Variants in TCF12 observed in about 807,000 individuals in gnomAD.
The protein encoded by TCF12 is DNA-binding protein HTF4.
TCF12 carries 45 observed loss-of-function variants against 86.0 expected under a neutral mutation model. The observed-to-expected ratio is 0.52, with a 90% CI of 0.41 to 0.67. The LOEUF (loss-of-function observed/expected upper bound fraction) is 0.67. Ranked by LOEUF, TCF12 falls within the 30% of genes least tolerant of loss-of-function variation. TCF12 has a pLI of 0.00. For missense variants in TCF12, 881 were observed against 859.9 expected, an observed-to-expected ratio of 1.02 and a Z score of -0.31; for synonymous variants, 330 against 299.6, an observed-to-expected ratio of 1.10 and a Z score of -1.05.
At chr15:57,231,671 G>C (rs1367223261) in intron 9 of TCF12, among the ~76,000 whole-genome samples, 1 of 152,086 alleles carries the variant, frequency 6.6e-6, no homozygotes, top group Non-Finnish European at 1.5e-5. Flanking sequence ...GAGAAAAAGT[G>C]TTGCATTTCC....
At chr15:57,043,227 A>G (rs538942621) in intron 3 of TCF12, among the ~76,000 whole-genome samples, 1 of 152,294 alleles carries the variant, frequency 6.6e-6, no homozygotes, top group South Asian at 2.1e-4. Context: ...CATTTTGGCT[A>G]TTCATATTTC....
At chr15:57,247,216 A>G in intron 13 of TCF12, 2 of 621,090 alleles carry the variant, frequency 3.2e-6, no homozygotes, top group Non-Finnish European at 5.9e-6. Flanking sequence ...TGTAACCAGG[A>G]CTACCACCAT....
intron 3 of TCF12, among the ~76,000 whole-genome samples, chr15:57,037,684 C>T (rs534600473): frequency 6.6e-6 from 1 of 152,268 alleles, no homozygotes; most frequent in Admixed American, 6.5e-5. Context: ...AGTACCCTTG[C>T]TTTTTAATGG....
At chr15:57,064,220 G>A (rs2068675865) in intron 4 of TCF12, among the ~76,000 whole-genome samples, 1 of 152,062 alleles carries the variant, frequency 6.6e-6, no homozygotes, top group Non-Finnish European at 1.5e-5. Context: ...TCAGCCCTTT[G>A]CATCAGGAAC....
chr15:56,939,769 C>G (rs1235738808), intron 3 of TCF12, among the ~76,000 whole-genome samples: 2 of 152,084 alleles, frequency 1.3e-5, no homozygotes, highest in Non-Finnish European at 2.9e-5. Context: ...CCGAAACTTA[C>G]GTTGATTAGC....
chr15:56,999,461 T>C (rs1368094851), intron 3 of TCF12, among the ~76,000 whole-genome samples: 1 of 152,138 alleles, frequency 6.6e-6, no homozygotes, highest in East Asian at 1.9e-4. Flanking sequence ...TAAGTGATAC[T>C]AAAAAACTCT....
At chr15:57,196,325 T>C (rs1056837058) in intron 7 of TCF12, among the ~76,000 whole-genome samples, 1 of 152,170 alleles carries the variant, frequency 6.6e-6, no homozygotes, top group Admixed American at 6.5e-5. Flanking sequence ...ATTTAAAGTA[T>C]GTAAGAGGAT....
At chr15:57,073,506 C>T (rs935040905) in intron 4 of TCF12, among the ~76,000 whole-genome samples, 7 of 152,176 alleles carry the variant, frequency 4.6e-5, no homozygotes, top group Non-Finnish European at 8.8e-5. Context: ...CTGCTTTGAT[C>T]TTCACACGAG....
intron 3 of TCF12, among the ~76,000 whole-genome samples, chr15:56,924,920 C>T (rs1422915201): frequency 2.0e-5 from 3 of 152,112 alleles, no homozygotes; most frequent in South Asian, 2.1e-4. Context: ...AAAACAAGGT[C>T]GGGTGTGGTG....
chr15:56,982,200 T>C (rs1478702277), intron 3 of TCF12, among the ~76,000 whole-genome samples: 1 of 152,196 alleles, frequency 6.6e-6, no homozygotes, highest in Non-Finnish European at 1.5e-5. Context: ...ACATAAGCTC[T>C]TGGGGCTTAT....
chr15:57,125,334 G>A (rs1305842796), intron 5 of TCF12, among the ~76,000 whole-genome samples: 1 of 152,198 alleles, frequency 6.6e-6, no homozygotes, highest in Non-Finnish European at 1.5e-5. Context: ...AAGTTCTATT[G>A]TAGTAGATCC....
Position 57,266,598 on chromosome 15 carries a change from T to G in TCF12, c.1745+3324T>G, listed in dbSNP as rs1297507329. 1.3e-5 allele frequency among the ~76,000 whole-genome samples: 2 copies of G among 152,210 alleles called. 1 individual carries two copies. The highest frequency in any genetic ancestry group is 4.8e-5 in the African/African-American group (2 of 41,450). On this transcript the variant is annotated intron_variant, in intron 18 of 20. Coordinates refer to ENST00000333725, the MANE Select transcript of TCF12 (RefSeq NM_207037.2). ...TGAGAAAAGTATGAAAAAGGAAATA[T>G]TCTAGGCAGAATGATGTTGTCGTGG...
intron 5 of TCF12, among the ~76,000 whole-genome samples, chr15:57,164,647 T>C (rs1299759802): frequency 1.3e-5 from 2 of 152,098 alleles, no homozygotes; most frequent in Admixed American, 1.3e-4. Flanking sequence ...CCAAACCGTA[T>C]CAGTGGGTAT....
At chr15:57,202,590 C>G (rs1265209362) in intron 8 of TCF12, among the ~76,000 whole-genome samples, 4 of 152,036 alleles carry the variant, frequency 2.6e-5, no homozygotes, top group African/African-American at 4.8e-5. Flanking sequence ...TGCCCACCAC[C>G]ACACCCGGCT....
intron 5 of TCF12, among the ~76,000 whole-genome samples, chr15:57,142,592 A>G (rs569271424): frequency 2.6e-5 from 4 of 152,366 alleles, no homozygotes; most frequent in South Asian, 2.1e-4. Context: ...ATGCTGATAT[A>G]TAAATTATGC....
At chr15:57,115,583 C>G (rs1180973911) in intron 5 of TCF12, among the ~76,000 whole-genome samples, 1 of 152,176 alleles carries the variant, frequency 6.6e-6, no homozygotes, top group Admixed American at 6.5e-5. Flanking sequence ...AAAGGTCATA[C>G]TGTCTATTTT....
chr15:57,044,826 G>A (rs1208919326), intron 3 of TCF12, among the ~76,000 whole-genome samples: 1 of 152,090 alleles, frequency 6.6e-6, no homozygotes, highest in African/African-American at 2.4e-5. Context: ...TTTGAGGTTA[G>A]TGGACATAAA....
intron 3 of TCF12, among the ~76,000 whole-genome samples, chr15:56,966,187 A>G (rs1260790586): frequency 1.3e-5 from 2 of 152,110 alleles, no homozygotes; most frequent in East Asian, 1.9e-4. Context: ...GTGAATTTTT[A>G]GTTGCCCTAT....
intron 4 of TCF12, among the ~76,000 whole-genome samples, chr15:57,070,641 G>A (rs1290035963): frequency 1.3e-5 from 2 of 152,116 alleles, no homozygotes; most frequent in Admixed American, 6.5e-5. Flanking sequence ...TTTGTTTAGC[G>A]CTCTCTCCAT....
Sources: gnomAD v4.1 joint callset for allele counts (sites outside exome capture counted in the v4.1 genomes callset) on GRCh38, gnomAD v4.1.1 for gene constraint, MANE v1.5 for transcripts, NCBI Gene and HGNC (gene_info 2026-07-23, HGNC 2026-07-21) for gene names.